CASTOR2: variants seen among roughly 807,000 people sequenced by gnomAD.
CASTOR2 encodes GATS protein like 2.
In CASTOR2, 8 loss-of-function variants were observed where a neutral mutation model predicts 31.2. The ratio of observed to expected loss-of-function variants is 0.26; its 90% confidence interval spans 0.15 to 0.46. The LOEUF is 0.46. Among genes scored for constraint, CASTOR2 ranks in the 20% least tolerant of loss-of-function variants. CASTOR2 has a pLI of 0.99. For missense variants in CASTOR2, 216 were observed against 382.1 expected, an observed-to-expected ratio of 0.57 and a Z score of 3.62; for synonymous variants, 162 against 158.7, an observed-to-expected ratio of 1.02 and a Z score of -0.16.
rs1805193004 is a variant in CASTOR2 at position 75,028,252 on chromosome 7, G to C, written c.*3553G>C. The stretch of plus-strand genomic sequence containing the variant: ...TCTCCTACATTGGCCTCCCAAGTAG[G>C]TGAGATTACAGGCACTCACCACCAC... On this transcript the variant is annotated 3_prime_UTR_variant, in exon 9 of 9. Coordinates refer to ENST00000616305, the MANE Select transcript of CASTOR2 (RefSeq NM_001145064.3). 6.6e-6 allele frequency among the ~76,000 whole-genome samples: 1 copy of C among 151,902 alleles called. No homozygotes were observed. Among genetic ancestry groups the C allele is most frequent in the Non-Finnish European group, 1.5e-5 (1 of 67,992 alleles).
In CASTOR2 at chr7:75,024,866, C is replaced by T. The variant is rs1805084950; in HGVS notation, c.*167C>T. 11 of 1,507,318 alleles carry T rather than the reference C, an allele frequency of 7.3e-6. No individual in the cohort carries two copies. In the East Asian group the frequency reaches 1.7e-4, roughly 24 times the overall value. 93.4% of individuals were successfully genotyped at this position (1,507,318 alleles called of 1,614,324 possible). On this transcript the variant is annotated 3_prime_UTR_variant, in exon 9 of 9. Coordinates refer to ENST00000616305, the MANE Select transcript of CASTOR2 (RefSeq NM_001145064.3). ...CCAATCCCTCCAGGGCAGGGGCCCA[C>T]GCCAAGGCCTCTCCATGCCCTCCTG... is the stretch of plus-strand genomic sequence containing the variant.
At chr7:74,977,165 C>T (rs1178403368) in intron 1 of CASTOR2, among the ~76,000 whole-genome samples, 1 of 81,214 alleles carries the variant, frequency 1.2e-5, no homozygotes, top group Non-Finnish European at 2.2e-5. Flanking sequence ...GCCTGGGTGA[C>T]AAGAGTGAAA....
intron 1 of CASTOR2, among the ~76,000 whole-genome samples, chr7:74,990,327 G>T (rs1804176179): frequency 6.6e-6 from 1 of 151,136 alleles, no homozygotes; most frequent in Non-Finnish European, 1.5e-5. Flanking sequence ...GGTGGAGCTT[G>T]CAGTGAGCCG....
At chr7:75,010,809 T>C (rs1804725201) in intron 2 of CASTOR2, among the ~76,000 whole-genome samples, 3 of 151,772 alleles carry the variant, frequency 2.0e-5, no homozygotes, top group South Asian at 2.1e-4. Context: ...AAATCTATTA[T>C]TGCCCAAGAA....
intron 1 of CASTOR2, among the ~76,000 whole-genome samples, chr7:74,972,610 A>G (rs1381209984): frequency 6.7e-6 from 1 of 149,796 alleles, no homozygotes; most frequent in Admixed American, 6.7e-5. Context: ...GCACTGGGTC[A>G]TTCGTGTTCC....
intron 1 of CASTOR2, among the ~76,000 whole-genome samples, chr7:75,004,068 G>A (rs1804556266): frequency 6.6e-6 from 1 of 152,166 alleles, no homozygotes; most frequent in African/African-American, 2.4e-5. Flanking sequence ...CCGGGAGCAA[G>A]GGCCGCGTCT....
rs1173835360 is a variant in CASTOR2, at chr7:75,024,923, C to T, written c.*224C>T. On this transcript the variant is annotated 3_prime_UTR_variant, in exon 9 of 9. Coordinates refer to ENST00000616305, the MANE Select transcript of CASTOR2 (RefSeq NM_001145064.3). ...CGGAGCCCCCCGACCCTCCAGAGAACGACCTTTCTCTTCCCTACCTCCCCC... is the reference window on the plus strand; with the variant it reads ...CGGAGCCCCCCGACCCTCCAGAGAATGACCTTTCTCTTCCCTACCTCCCCC... The T allele has an allele frequency of 1.1e-5, 12 of 1,065,242 alleles. No individual in the cohort carries two copies. Among genetic ancestry groups the T allele is most frequent in the East Asian group, 2.6e-5 (1 of 38,546 alleles). The allele number at this position is 1,065,242 out of a possible 1,614,324, so 66.0% of individuals were successfully genotyped here. A position where few individuals can be genotyped will look rare whatever the true frequency, so the allele number is the denominator to read the frequency against.
At chr7:74,998,411 C>G (rs1804404871) in intron 1 of CASTOR2, among the ~76,000 whole-genome samples, 1 of 152,120 alleles carries the variant, frequency 6.6e-6, no homozygotes, top group Non-Finnish European at 1.5e-5. Context: ...GGAGACCAGC[C>G]TGGCCAACAT....
At chr7:74,977,179 C>T (rs1270137836) in intron 1 of CASTOR2, among the ~76,000 whole-genome samples, 1 of 104,868 alleles carries the variant, frequency 9.5e-6, no homozygotes, top group Non-Finnish European at 1.9e-5. Flanking sequence ...AGTGAAACTC[C>T]ATCTCAAAAA....
intron 1 of CASTOR2, among the ~76,000 whole-genome samples, chr7:75,003,478 T>C (rs1215852992): frequency 3.4e-5 from 5 of 145,232 alleles, no homozygotes; most frequent in African/African-American, 1.3e-4. Context: ...AGGCCGGGCA[T>C]GGTGGCTCAC....
rs1232184184 is a variant in CASTOR2 at position 75,026,458 on chromosome 7, G to A, written c.*1759G>A. On this transcript the variant is annotated 3_prime_UTR_variant, in exon 9 of 9. Coordinates refer to ENST00000616305, the MANE Select transcript of CASTOR2 (RefSeq NM_001145064.3). The stretch of plus-strand genomic sequence containing the variant: ...GCCTGCCTCGGCCTCCCAAAATGCC[G>A]GGATTACAGGCGTGAGCCACCACAC... Among the ~76,000 whole-genome samples the A allele has an allele frequency of 3.3e-5, 5 of 152,204 alleles. No homozygotes were observed. The highest frequency in any genetic ancestry group is 5.9e-5 in the Non-Finnish European group (4 of 68,022).
intron 1 of CASTOR2, among the ~76,000 whole-genome samples, chr7:75,002,683 T>C (rs1804523551): frequency 6.6e-6 from 1 of 152,026 alleles, no homozygotes; most frequent in Non-Finnish European, 1.5e-5. Flanking sequence ...GCAGGGGCGT[T>C]GAGGCCAGGA....
intron 2 of CASTOR2, among the ~76,000 whole-genome samples, chr7:75,017,003 C>T (rs1804877957): frequency 6.6e-6 from 1 of 152,102 alleles, no homozygotes; most frequent in Non-Finnish European, 1.5e-5. Context: ...GCCATCTCTA[C>T]TAAAAATACA....
At chr7:75,005,814 C>G (rs1804594217) in intron 1 of CASTOR2, among the ~76,000 whole-genome samples, 1 of 152,164 alleles carries the variant, frequency 6.6e-6, no homozygotes, top group Non-Finnish European at 1.5e-5. Context: ...AAGACCTGAT[C>G]TCTACAAAAA....
At chr7:74,975,230 C>A (rs1230525230) in intron 1 of CASTOR2, among the ~76,000 whole-genome samples, 4 of 151,202 alleles carry the variant, frequency 2.6e-5, no homozygotes, top group African/African-American at 9.7e-5. Flanking sequence ...GGCCTCCCAA[C>A]GTGCTGGGAT....
rs1392232794 is a variant in CASTOR2 at position 75,029,037 on chromosome 7, G to A, written c.*4338G>A. ...GGTGACATTTGTTCAGCAGGAGGAG[G>A]CTTGGTCTGGAGGGGCTTGCCCCTC... On this transcript the variant is annotated 3_prime_UTR_variant, in exon 9 of 9. Coordinates refer to ENST00000616305, the MANE Select transcript of CASTOR2 (RefSeq NM_001145064.3). 6.6e-6 allele frequency among the ~76,000 whole-genome samples: 1 copy of A among 152,248 alleles called. No homozygotes were observed. Among genetic ancestry groups the A allele is most frequent in the Non-Finnish European group, 1.5e-5 (1 of 68,044 alleles).
intron 1 of CASTOR2, among the ~76,000 whole-genome samples, chr7:74,973,361 G>C (rs1554435307): frequency 1.3e-5 from 1 of 76,914 alleles, no homozygotes; most frequent in Non-Finnish European, 2.4e-5. Context: ...TTTTTTTTGA[G>C]ACAGAGTCTT....
Position 75,029,264 on chromosome 7 carries a change from C to A in CASTOR2, c.*4565C>A, listed in dbSNP as rs1266501165. Among the ~76,000 whole-genome samples the A allele has an allele frequency of 2.0e-5, 3 of 152,180 alleles. No individual in the cohort carries two copies. Among genetic ancestry groups the A allele is most frequent in the Non-Finnish European group, 4.4e-5 (3 of 68,028 alleles). ...GGCCACCCTGGGCCCCTTTCTGAGC[C>A]TAGAGATCTGGATGTGGTGACAACC... is the stretch of plus-strand genomic sequence containing the variant. On this transcript the variant is annotated 3_prime_UTR_variant, in exon 9 of 9. Coordinates refer to ENST00000616305, the MANE Select transcript of CASTOR2 (RefSeq NM_001145064.3).
At chr7:74,994,145 A>C (rs1804282323) in intron 1 of CASTOR2, among the ~76,000 whole-genome samples, 1 of 152,276 alleles carries the variant, frequency 6.6e-6, no homozygotes, top group African/African-American at 2.4e-5. Context: ...TTCTTCTCAG[A>C]GATGACTCAG....
Sources: allele counts gnomAD v4.1 joint callset (sites outside exome capture counted in the v4.1 genomes callset), GRCh38; gene constraint gnomAD v4.1.1; transcripts MANE v1.5; gene names NCBI Gene and HGNC (gene_info 2026-07-23, HGNC 2026-07-21).